The following CSMD1 variants were observed in gnomAD, a reference collection of about 807,000 sequenced individuals.
CSMD1 encodes the protein CUB and sushi domain-containing protein 1.
CSMD1 carries 213 observed loss-of-function variants against 417.5 expected under a neutral mutation model. The observed-to-expected ratio is 0.51, with a 90% CI of 0.46 to 0.57. CSMD1 has a LOEUF of 0.57. Ranked by LOEUF, CSMD1 falls within the 20% of genes least tolerant of loss-of-function variation. CSMD1 has a pLI of 0.00. For synonymous variants in CSMD1, 2,862 were observed against 1,736.8 expected, an observed-to-expected ratio of 1.65 and a Z score of -16.11; for missense variants, 6,923 against 4,529.7, an observed-to-expected ratio of 1.53 and a Z score of -15.17.
intron 5 of CSMD1, among the ~76,000 whole-genome samples, chr8:3,856,813 C>A (rs1804346516): frequency 6.6e-6 from 1 of 152,136 alleles, no homozygotes; most frequent in Non-Finnish European, 1.5e-5. Flanking sequence ...CTCCCTCAGG[C>A]TGGGGCCCAA....
chr8:4,086,670 A>G (rs1447173983), intron 3 of CSMD1, among the ~76,000 whole-genome samples: 1 of 152,220 alleles, frequency 6.6e-6, no homozygotes. Context: ...TCATTCATTC[A>G]TCAAGTATTT....
chr8:4,148,534 A>G (rs1796399980), intron 3 of CSMD1, among the ~76,000 whole-genome samples: 1 of 151,420 alleles, frequency 6.6e-6, no homozygotes, highest in Non-Finnish European at 1.5e-5. Context: ...AAAAAAACGC[A>G]TTGGCTACTT....
At chr8:3,003,538 T>C (rs1166787287) in intron 52 of CSMD1, among the ~76,000 whole-genome samples, 1 of 152,214 alleles carries the variant, frequency 6.6e-6, no homozygotes, top group Non-Finnish European at 1.5e-5. Flanking sequence ...TTACATTGTC[T>C]CCTATGTCAC....
chr8:4,593,035 G>A (rs1486610485), intron 2 of CSMD1, among the ~76,000 whole-genome samples: 1 of 152,134 alleles, frequency 6.6e-6, no homozygotes, highest in African/African-American at 2.4e-5. Context: ...TCTACATGCT[G>A]GAGGGGTTTG....
intron 10 of CSMD1, among the ~76,000 whole-genome samples, chr8:3,532,918 C>T (rs1183969578): frequency 1.3e-5 from 2 of 152,072 alleles, no homozygotes; most frequent in African/African-American, 4.8e-5. Context: ...AAATATAAAC[C>T]ATGACATAGC....
chr8:3,374,622 G>A (rs1461461384), intron 18 of CSMD1, among the ~76,000 whole-genome samples: 1 of 152,194 alleles, frequency 6.6e-6, no homozygotes. Flanking sequence ...TCCACTCCCA[G>A]GATGGTGAGT....
intron 5 of CSMD1, among the ~76,000 whole-genome samples, chr8:3,851,681 T>C (rs1025619725): frequency 6.6e-6 from 1 of 151,620 alleles, no homozygotes; most frequent in Non-Finnish European, 1.5e-5. Flanking sequence ...AAAGGGTGAA[T>C]AGCAGAAGAA....
intron 6 of CSMD1, among the ~76,000 whole-genome samples, chr8:3,714,558 T>G (rs1161573744): frequency 4.9e-4 from 1 of 2,048 alleles, no homozygotes; most frequent in Non-Finnish European, 1.1e-3. Flanking sequence ...CCCATCTCTA[T>G]CCCAAAAAAA....
intron 1 of CSMD1, among the ~76,000 whole-genome samples, chr8:4,843,473 G>T (rs951621787): frequency 6.6e-6 from 1 of 152,000 alleles, no homozygotes; most frequent in Non-Finnish European, 1.5e-5. Context: ...GAGAGAAATT[G>T]TGTGTATAAA....
intron 54 of CSMD1, among the ~76,000 whole-genome samples, chr8:2,983,373 AG>A (rs1805590069): frequency 6.6e-6 from 1 of 151,992 alleles, no homozygotes; most frequent in Non-Finnish European, 1.5e-5. Context: ...TTTTTAGTAG[AG>A]ACAGAGTTTC....
chr8:4,425,376 T>C (rs1461327412), intron 2 of CSMD1, among the ~76,000 whole-genome samples: 1 of 103,132 alleles, frequency 9.7e-6, no homozygotes, highest in African/African-American at 4.3e-5. Context: ...CTTATTTGTG[T>C]GCCAAAAAAA....
intron 21 of CSMD1, among the ~76,000 whole-genome samples, chr8:3,358,118 G>T (rs923594987): frequency 2.0e-5 from 3 of 152,164 alleles, no homozygotes; most frequent in South Asian, 2.1e-4. Context: ...TATGCTAAGT[G>T]AACATGTTTG....
chr8:4,799,661 A>T (rs1421220482), intron 1 of CSMD1, among the ~76,000 whole-genome samples: 1 of 149,894 alleles, frequency 6.7e-6, no homozygotes, highest in Non-Finnish European at 1.5e-5. Context: ...AGTATCTGAA[A>T]AATTGGGACT....
At chr8:3,366,892 T>G in intron 20 of CSMD1, 140 bp downstream of exon 20, 2 of 710,372 alleles carry the variant, frequency 2.8e-6, no homozygotes, top group Non-Finnish European at 4.9e-6. Context: ...CTGCACCCCA[T>G]TAGTTGGAAT....
At chr8:3,072,204 G>C (rs1296600108) in intron 49 of CSMD1, among the ~76,000 whole-genome samples, 1 of 152,160 alleles carries the variant, frequency 6.6e-6, no homozygotes, top group Non-Finnish European at 1.5e-5. Context: ...ATTACAATTA[G>C]AGGTCGAAAG....
intron 26 of CSMD1, among the ~76,000 whole-genome samples, chr8:3,237,721 A>G (rs943820338): frequency 7.1e-6 from 1 of 141,222 alleles, no homozygotes; most frequent in African/African-American, 2.5e-5. Flanking sequence ...AATTATACTT[A>G]TACTACAAAT....
chr8:4,126,900 G>C (rs1296815888), intron 3 of CSMD1, among the ~76,000 whole-genome samples: 1 of 152,086 alleles, frequency 6.6e-6, no homozygotes, highest in African/African-American at 2.4e-5. Context: ...GAATGGGTTA[G>C]AACACAGGCT....
At chr8:3,133,689 G>A (rs1390063621) in intron 41 of CSMD1, among the ~76,000 whole-genome samples, 1 of 152,148 alleles carries the variant, frequency 6.6e-6, no homozygotes, top group African/African-American at 2.4e-5. Flanking sequence ...CGAAGAGACA[G>A]GAGGCTGCTG....
At chr8:3,607,622 A>G (rs1319320507) in intron 8 of CSMD1, among the ~76,000 whole-genome samples, 3 of 152,216 alleles carry the variant, frequency 2.0e-5, no homozygotes, top group East Asian at 1.9e-4. Flanking sequence ...CTCCATTAAA[A>G]TCTTAAGGGA....
Sources: allele counts gnomAD v4.1 joint callset (sites outside exome capture counted in the v4.1 genomes callset), GRCh38; gene constraint gnomAD v4.1.1; transcripts MANE v1.5; gene names NCBI Gene and HGNC (gene_info 2026-07-23, HGNC 2026-07-21).